DNAH7: variants seen among roughly 807,000 people sequenced by gnomAD.
DNAH7 encodes dynein axonemal heavy chain 7.
In DNAH7, 397 loss-of-function variants were observed where a neutral mutation model predicts 444.6. The observed-to-expected ratio is 0.89, with a 90% CI of 0.82 to 0.97. DNAH7 has a LOEUF of 0.97. DNAH7 is among the 50% of genes least tolerant of loss of function. The probability of loss-of-function intolerance (pLI) is 0.00; values close to 1 mark genes in which losing one functional copy is unlikely to be tolerated. For synonymous variants in DNAH7, 1,636 were observed against 1,624.4 expected, an observed-to-expected ratio of 1.01 and a Z score of -0.17; for missense variants, 4,902 against 4,800.8, an observed-to-expected ratio of 1.02 and a Z score of -0.62.
At chr2:196,053,873 T>G (rs977507826) in intron 2 of DNAH7, among the ~76,000 whole-genome samples, 4 of 152,144 alleles carry the variant, frequency 2.6e-5, no homozygotes, top group Admixed American at 2.6e-4. Context: ...GACAGGCAGT[T>G]AAGAGCTAGA....
chr2:195,888,744 C>A, intron 32 of DNAH7, 55 bp downstream of exon 32: 1 of 1,530,928 alleles, frequency 6.5e-7, no homozygotes, highest in Non-Finnish European at 8.8e-7. Flanking sequence ...TAAGCAAATA[C>A]ATGCATTTAT....
chr2:195,858,459 T>TG lies in DNAH7; in HGVS notation c.8067+14dup, dbSNP rs772335311. The TG allele has an allele frequency of 5.1e-6, 8 of 1,559,018 alleles. No individual in the cohort carries two copies. The stretch of plus-strand genomic sequence containing the variant: ...GATGACATGTGTCCTAGAAAGTGTA[T>TG]GGCGAAGCTCTTACCTGTGCAGTAA... On this transcript the variant is annotated intron_variant, in intron 43 of 64. Transcript: ENST00000312428.
chr2:196,051,498 G>A (rs1212392124), intron 2 of DNAH7, among the ~76,000 whole-genome samples: 1 of 152,180 alleles, frequency 6.6e-6, no homozygotes, highest in Non-Finnish European at 1.5e-5. Context: ...AAACCGGCCA[G>A]GCGCGGTGGC....
intron 21 of DNAH7, among the ~76,000 whole-genome samples, chr2:195,932,013 C>A (rs1477274552): frequency 6.6e-6 from 1 of 152,166 alleles, no homozygotes; most frequent in Non-Finnish European, 1.5e-5. Context: ...TTACCTTGGG[C>A]AGTATGGCCA....
chr2:195,896,371 T>C (rs1702319754), intron 29 of DNAH7, among the ~76,000 whole-genome samples: 1 of 152,180 alleles, frequency 6.6e-6, no homozygotes, highest in Non-Finnish European at 1.5e-5. Context: ...TTTTTTTTTT[T>C]CAATTTTGTC....
chr2:195,936,922 T>G (rs1689094212), intron 19 of DNAH7, 130 bp from the exon 20 acceptor site: 1 of 798,424 alleles, frequency 1.3e-6, no homozygotes, highest in Non-Finnish European at 1.8e-6. Context: ...GGAGTATTTG[T>G]TTTTTAAAAG....
At chr2:195,835,502 A>G (rs1698320664) in intron 47 of DNAH7, among the ~76,000 whole-genome samples, 1 of 152,154 alleles carries the variant, frequency 6.6e-6, no homozygotes, top group East Asian at 1.9e-4. Context: ...TGTCCCCCAA[A>G]ATAAAAAAAA....
At chr2:195,914,330 G>T (rs867126721) in intron 24 of DNAH7, among the ~76,000 whole-genome samples, 1 of 152,184 alleles carries the variant, frequency 6.6e-6, no homozygotes, top group Non-Finnish European at 1.5e-5. Flanking sequence ...ACAGTTACTT[G>T]CTAGATATAC....
chr2:195,870,739 C>T (rs1447882073), intron 40 of DNAH7, among the ~76,000 whole-genome samples: 1 of 152,176 alleles, frequency 6.6e-6, no homozygotes, highest in Admixed American at 6.5e-5. Flanking sequence ...GAAGGCACCA[C>T]CTATAACTAG....
intron 1 of DNAH7, among the ~76,000 whole-genome samples, chr2:196,068,170 T>C (rs1698533382): frequency 1.3e-5 from 2 of 152,250 alleles, no homozygotes; most frequent in African/African-American, 4.8e-5. Context: ...TCATGTATAG[T>C]ATAATATTGT....
At chr2:195,861,236 G>GCA (rs1699996925) in intron 42 of DNAH7, among the ~76,000 whole-genome samples, 1 of 151,844 alleles carries the variant, frequency 6.6e-6, no homozygotes, top group African/African-American at 2.4e-5. Flanking sequence ...AAACTTCTGT[G>GCA]CACACACAAG....
chr2:195,892,200 T>A (rs931337269), intron 30 of DNAH7, among the ~76,000 whole-genome samples: 14 of 152,324 alleles, frequency 9.2e-5, no homozygotes, highest in African/African-American at 3.4e-4. Flanking sequence ...CTTCTATGTT[T>A]TCTTTTTTTA....
At position 195,875,817 on chromosome 2, in the gene DNAH7, C is replaced by T; in HGVS notation, c.6144G>A (p.Met2048Ile). Residue 2048 changes from methionine to isoleucine, a missense_variant, in exon 38 of 65, where the codon ATG becomes ATA. Physicochemically the swap from Met to Ile is conservative, Grantham distance 10. Coordinates refer to ENST00000312428, the MANE Select transcript of DNAH7 (RefSeq NM_018897.3). ...RMVVFVDDVNMPAREVYGAQP... is the reference protein window; with the variant it reads ...RMVVFVDDVNIPAREVYGAQP... ...GAGCCCCATATACCTCCCGAGCAGG[C>T]ATATTGACATCATCTACAAAGACAA... The T allele has an allele frequency of 6.9e-6, 11 of 1,605,544 alleles. No homozygotes were observed. The highest frequency in any genetic ancestry group is 9.3e-6 in the Non-Finnish European group (11 of 1,177,742).
intron 63 of DNAH7, among the ~76,000 whole-genome samples, chr2:195,749,774 T>C (rs778137366): frequency 1.2e-4 from 18 of 147,328 alleles, no homozygotes; most frequent in Non-Finnish European, 2.4e-4. Flanking sequence ...TAGGTGGGAA[T>C]TGAACAATGA....
intron 11 of DNAH7, 24 bp from the exon 12 acceptor site, chr2:196,000,907 A>G (rs1693993496): frequency 6.5e-7 from 1 of 1,532,888 alleles, no homozygotes; most frequent in African/African-American, 1.4e-5. Flanking sequence ...AAAAATTTAC[A>G]TACATAAATA....
chr2:195,973,447 A>G (rs1051337874), intron 15 of DNAH7, among the ~76,000 whole-genome samples: 2 of 151,760 alleles, frequency 1.3e-5, no homozygotes, highest in African/African-American at 2.4e-5. Flanking sequence ...GGACCTATAC[A>G]GTTTTTTTTG....
chr2:195,987,945 G>A lies in DNAH7; in HGVS notation c.1626+12C>T. 1 of 1,580,486 alleles carries A rather than the reference G, an allele frequency of 6.3e-7. No homozygotes were observed. On this transcript the variant is annotated intron_variant, in intron 13 of 64. Coordinates refer to ENST00000312428, the MANE Select transcript of DNAH7 (RefSeq NM_018897.3). ...ATAGAGATAACAGTTGCACAAAACT[G>A]GAGTCATTTACCTTTATGGATGTGT...
chr2:195,828,421 A>G (rs972781692), intron 48 of DNAH7, among the ~76,000 whole-genome samples: 4 of 151,196 alleles, frequency 2.6e-5, no homozygotes, highest in Non-Finnish European at 5.9e-5. Context: ...TGTCTCTACT[A>G]AAAATACAAA....
intron 17 of DNAH7, among the ~76,000 whole-genome samples, chr2:195,968,296 AGGGC>A (rs1691617122): frequency 6.6e-6 from 1 of 152,086 alleles, no homozygotes; most frequent in Non-Finnish European, 1.5e-5. Flanking sequence ...TTGGTTATTC[AGGGC>A]CTAAGGGCTC....
Sources: allele counts gnomAD v4.1 joint callset (sites outside exome capture counted in the v4.1 genomes callset), GRCh38; gene constraint gnomAD v4.1.1; transcripts MANE v1.5; gene names NCBI Gene and HGNC (gene_info 2026-07-23, HGNC 2026-07-21).